CPQ: variants seen among roughly 807,000 people sequenced by gnomAD.
CPQ encodes Ser-Met dipeptidase.
In CPQ, 37 loss-of-function variants were observed where a neutral mutation model predicts 45.7. The observed-to-expected ratio is 0.81, with a 90% CI of 0.62 to 1.07. The LOEUF is 1.07. Ranked by LOEUF, CPQ falls within the 50% of genes least tolerant of loss-of-function variation. The pLI, the probability that CPQ is intolerant of heterozygous loss-of-function variation, is 0.00. For synonymous variants in CPQ, 186 were observed against 205.8 expected, an observed-to-expected ratio of 0.90 and a Z score of 0.82; for missense variants, 537 against 572.9, an observed-to-expected ratio of 0.94 and a Z score of 0.64.
At chr8:97,043,302 T>A (rs1810166766) in intron 6 of CPQ, among the ~76,000 whole-genome samples, 1 of 150,484 alleles carries the variant, frequency 6.6e-6, no homozygotes, top group East Asian at 1.9e-4. Context: ...GAGACTAGGA[T>A]TGCAACCCCT....
chr8:96,687,118 C>A (rs1480089589), intron 1 of CPQ, among the ~76,000 whole-genome samples: 1 of 152,034 alleles, frequency 6.6e-6, no homozygotes, highest in African/African-American at 2.4e-5. Context: ...CATGAAACAT[C>A]TGTTGGGTTT....
chr8:97,105,521 A>G (rs1029461216), intron 7 of CPQ, among the ~76,000 whole-genome samples: 3 of 152,212 alleles, frequency 2.0e-5, no homozygotes, highest in Non-Finnish European at 2.9e-5. Flanking sequence ...TGTTGCTATA[A>G]ACATTGGTAT....
rs181160002 is a variant in CPQ, at chr8:96,895,188, A to C, written c.849+15183A>C. Among the ~76,000 whole-genome samples, 59 of 152,298 alleles carry C rather than the reference A, an allele frequency of 3.9e-4. 1 individual carries two copies. Among genetic ancestry groups the C allele is most frequent in the African/African-American group, 1.4e-3 (57 of 41,576 alleles). ...AAAAAACTATGCTTAGTTTTTTTCT[A>C]AGCATGTTTAACTTGGGTTTTTAAT... is the stretch of plus-strand genomic sequence containing the variant. On this transcript the variant is annotated intron_variant, in intron 4 of 7. Coordinates refer to ENST00000220763, the MANE Select transcript of CPQ (RefSeq NM_016134.4).
At chr8:96,772,917 T>C (rs1450493497) in intron 1 of CPQ, among the ~76,000 whole-genome samples, 1 of 152,122 alleles carries the variant, frequency 6.6e-6, no homozygotes, top group Non-Finnish European at 1.5e-5. Context: ...AAAAGTGTAA[T>C]TGATATTAAT....
At chr8:96,941,853 A>G (rs1036826163) in intron 4 of CPQ, among the ~76,000 whole-genome samples, 1 of 152,180 alleles carries the variant, frequency 6.6e-6, no homozygotes, top group Admixed American at 6.5e-5. Context: ...GTTAAGTCCT[A>G]TTGTCATAAC....
intron 3 of CPQ, among the ~76,000 whole-genome samples, chr8:96,836,842 A>G (rs1811537533): frequency 6.6e-6 from 1 of 151,172 alleles, no homozygotes; most frequent in Non-Finnish European, 1.5e-5. Flanking sequence ...AACCCAAGCT[A>G]CAACTTAGGA....
intron 6 of CPQ, among the ~76,000 whole-genome samples, chr8:97,042,959 T>C (rs1290986311): frequency 7.9e-5 from 12 of 152,048 alleles, no homozygotes; most frequent in South Asian, 6.2e-4. Flanking sequence ...AAATGTATAT[T>C]CTGTTGATTT....
chr8:96,952,759 G>C (rs1813287005), intron 4 of CPQ, among the ~76,000 whole-genome samples: 1 of 152,020 alleles, frequency 6.6e-6, no homozygotes, highest in South Asian at 2.1e-4. Context: ...TTTACACAGT[G>C]GATGATAATT....
chr8:96,923,248 T>C (rs888985249), intron 4 of CPQ, among the ~76,000 whole-genome samples: 1 of 152,152 alleles, frequency 6.6e-6, no homozygotes, highest in Non-Finnish European at 1.5e-5. Context: ...CAGTATAAAA[T>C]ATGAAATTGA....
chr8:96,769,173 G>A (rs995993330), intron 1 of CPQ, among the ~76,000 whole-genome samples: 1 of 152,164 alleles, frequency 6.6e-6, no homozygotes, highest in Non-Finnish European at 1.5e-5. Context: ...GAAGACAAAT[G>A]CTTCACTGGT....
intron 4 of CPQ, among the ~76,000 whole-genome samples, chr8:96,914,382 G>A (rs1812705325): frequency 6.6e-6 from 1 of 152,120 alleles, no homozygotes; most frequent in South Asian, 2.1e-4. Flanking sequence ...GCCCTTTACA[G>A]AGCTCCAGGA....
chr8:96,730,958 TGCATAAAAAAGATTAAAGTG>T, intron 1 of CPQ, among the ~76,000 whole-genome samples: 1 of 146,560 alleles, frequency 6.8e-6, no homozygotes, highest in African/African-American at 2.5e-5. Flanking sequence ...GGAAACCCAA[TGCATAAAAAAGATTAAAGTG>T]GAGGTGCTTT....
At chr8:96,866,367 C>G (rs1452008027) in intron 3 of CPQ, among the ~76,000 whole-genome samples, 1 of 151,936 alleles carries the variant, frequency 6.6e-6, no homozygotes, top group Non-Finnish European at 1.5e-5. Context: ...AGACATTATA[C>G]CGGGTAGTTT....
intron 1 of CPQ, among the ~76,000 whole-genome samples, chr8:96,683,903 G>A (rs1259808204): frequency 6.6e-6 from 1 of 151,670 alleles, no homozygotes; most frequent in Non-Finnish European, 1.5e-5. Context: ...GTTCTCTTTG[G>A]ATATCTGTCT....
At chr8:96,850,405 T>G (rs1012334492) in intron 3 of CPQ, among the ~76,000 whole-genome samples, 1 of 152,118 alleles carries the variant, frequency 6.6e-6, no homozygotes, top group Non-Finnish European at 1.5e-5. Flanking sequence ...AGCTGTGAAA[T>G]AGATCTCCAT....
At chr8:96,955,440 C>T (rs981539533) in intron 4 of CPQ, among the ~76,000 whole-genome samples, 3 of 151,976 alleles carry the variant, frequency 2.0e-5, no homozygotes, top group African/African-American at 7.2e-5. Context: ...CTTGTATGGC[C>T]ATACTGCCCA....
At chr8:96,783,486 T>G (rs1810719071) in intron 1 of CPQ, among the ~76,000 whole-genome samples, 1 of 152,096 alleles carries the variant, frequency 6.6e-6, no homozygotes, top group African/African-American at 2.4e-5. Flanking sequence ...CACAAACCCC[T>G]TCCTGCAATA....
At chr8:96,758,535 GTGTGTGCA>G (rs1480036968) in intron 1 of CPQ, among the ~76,000 whole-genome samples, 1 of 152,140 alleles carries the variant, frequency 6.6e-6, no homozygotes, top group Non-Finnish European at 1.5e-5. Context: ...GTCAATGAAG[GTGTGTGCA>G]TGTGTGCATG....
intron 1 of CPQ, among the ~76,000 whole-genome samples, chr8:96,679,549 T>C (rs1809123016): frequency 6.6e-6 from 1 of 152,142 alleles, no homozygotes; most frequent in Non-Finnish European, 1.5e-5. Context: ...AGCCATCTGC[T>C]CCTGGTCTTT....
Sources: allele counts gnomAD v4.1 joint callset (sites outside exome capture counted in the v4.1 genomes callset), GRCh38; gene constraint gnomAD v4.1.1; transcripts MANE v1.5; gene names NCBI Gene and HGNC (gene_info 2026-07-23, HGNC 2026-07-21).